The following CACNA1C variants were observed in gnomAD, a reference collection of about 807,000 sequenced individuals.
CACNA1C encodes the protein voltage-dependent L-type calcium channel subunit alpha-1C.
CACNA1C carries 30 observed loss-of-function variants against 229.0 expected under a neutral mutation model. That is an observed-to-expected ratio of 0.13 (90% CI 0.10 to 0.18). The LOEUF (loss-of-function observed/expected upper bound fraction) is 0.18, where lower values mean the gene tolerates loss of function less well. Among genes scored for constraint, CACNA1C ranks in the 10% least tolerant of loss-of-function variants. The probability of loss-of-function intolerance (pLI) is 1.00; values close to 1 mark genes in which losing one functional copy is unlikely to be tolerated. For missense variants in CACNA1C, 1,658 were observed against 2,845.0 expected (o/e 0.58, Z 9.49); for synonymous variants, 1,114 against 1,132.5 (o/e 0.98, Z 0.33).
At chr12:2,168,788 G>A (rs901730633) in intron 3 of CACNA1C, among the ~76,000 whole-genome samples, 2 of 152,176 alleles carry the variant, frequency 1.3e-5, no homozygotes, top group South Asian at 4.1e-4. Flanking sequence ...AATTGGGAAG[G>A]GTGAGAAGCT....
chr12:2,422,998 T>G (rs1305166714), intron 3 of CACNA1C, among the ~76,000 whole-genome samples: 1 of 152,152 alleles, frequency 6.6e-6, no homozygotes, highest in East Asian at 1.9e-4. Context: ...TTCTTTCAAT[T>G]CCATAATTCG....
intron 1 of CACNA1C, among the ~76,000 whole-genome samples, chr12:2,044,856 G>A (rs900994754): frequency 2.6e-5 from 4 of 152,180 alleles, no homozygotes; most frequent in East Asian, 3.8e-4. Flanking sequence ...CCCTAGTCTC[G>A]CATGACTTCT....
At chr12:2,221,094 G>A (rs190253544) in intron 3 of CACNA1C, among the ~76,000 whole-genome samples, 1 of 152,274 alleles carries the variant, frequency 6.6e-6, no homozygotes, top group African/African-American at 2.4e-5. Context: ...AGAGCCTTCC[G>A]GGGGATGGCA....
chr12:2,010,610 T>A (rs2044236412), intron 1 of CACNA1C, among the ~76,000 whole-genome samples: 1 of 152,144 alleles, frequency 6.6e-6, no homozygotes, highest in Non-Finnish European at 1.5e-5. Context: ...ATCTATTAAT[T>A]TACTGTCACT....
chr12:2,136,946 C>A (rs1596971808), intron 3 of CACNA1C, among the ~76,000 whole-genome samples: 1 of 151,324 alleles, frequency 6.6e-6, no homozygotes, highest in Non-Finnish European at 1.5e-5. Context: ...GGACTGAGTC[C>A]TTGGAAGCAG....
At chr12:2,269,093 TA>T (rs1332050318) in intron 3 of CACNA1C, among the ~76,000 whole-genome samples, 3 of 152,154 alleles carry the variant, frequency 2.0e-5, no homozygotes, top group African/African-American at 7.2e-5. Context: ...GGCACATGAT[TA>T]AATACTCATG....
At chr12:2,453,330 T>C (rs1244020235) in intron 4 of CACNA1C, among the ~76,000 whole-genome samples, 1 of 152,168 alleles carries the variant, frequency 6.6e-6, no homozygotes, top group Non-Finnish European at 1.5e-5. Flanking sequence ...ACCTGGGGCA[T>C]AAGTCACTTA....
At chr12:2,388,172 A>G (rs1220804402) in intron 3 of CACNA1C, among the ~76,000 whole-genome samples, 1 of 152,244 alleles carries the variant, frequency 6.6e-6, no homozygotes, top group Non-Finnish European at 1.5e-5. Context: ...AAGTATACAG[A>G]GTTTCTGTTG....
chr12:2,039,134 A>G (rs1389612841), intron 1 of CACNA1C, among the ~76,000 whole-genome samples: 1 of 152,202 alleles, frequency 6.6e-6, no homozygotes, highest in Non-Finnish European at 1.5e-5. Flanking sequence ...ATAGACAAAT[A>G]AGAGCTGAAA....
At chr12:2,028,769 G>A (rs2154491332) in intron 1 of CACNA1C, among the ~76,000 whole-genome samples, 1 of 144,126 alleles carries the variant, frequency 6.9e-6, no homozygotes, top group Middle Eastern at 3.4e-3. Flanking sequence ...CCTTCCTGTA[G>A]CTCTGTTTTC....
At chr12:2,399,345 G>A (rs2098642920) in intron 3 of CACNA1C, among the ~76,000 whole-genome samples, 1 of 152,188 alleles carries the variant, frequency 6.6e-6, no homozygotes, top group Admixed American at 6.5e-5. Flanking sequence ...TTGGTGCCTG[G>A]GTTCTTGTCC....
At chr12:2,629,306 C>CT (rs60802000) in intron 29 of CACNA1C, among the ~76,000 whole-genome samples, 139,450 of 152,010 alleles carry the variant, frequency 0.92, 64,016 homozygotes, top group East Asian at 0.99. Flanking sequence ...GTCATCCCAT[C>CT]CCTTTTCCCA....
intron 1 of CACNA1C, chr12:2,004,381 G>A (rs1469982360): frequency 3.1e-6 from 5 of 1,612,682 alleles, no homozygotes; most frequent in African/African-American, 1.3e-5. Flanking sequence ...GGGCCGCTAG[G>A]CTGATGTCGC....
At chr12:2,384,992 C>G (rs1395100766) in intron 3 of CACNA1C, among the ~76,000 whole-genome samples, 1 of 152,122 alleles carries the variant, frequency 6.6e-6, no homozygotes, top group African/African-American at 2.4e-5. Flanking sequence ...GCCAACTGAC[C>G]GTGAAAGGAG....
Position 1,971,634 on chromosome 12 carries a change from C to T in CACNA1C, c.139+433C>T. On this transcript the variant is annotated intron_variant, in intron 1 of 46. Coordinates refer to the CACNA1C transcript ENST00000682462. The surrounding 1 kb of genome is among the most constrained non-coding windows in gnomAD (Gnocchi z 4.2). ...ATTTCTTCAGTGGAAAAACCAAAAG[C>T]TGGTCAAATTTTAAGAGGCTAGTTA... Among the ~76,000 whole-genome samples the T allele has an allele frequency of 6.6e-6, 1 of 152,068 alleles. No homozygotes were observed. Among genetic ancestry groups the T allele is most frequent in the East Asian group, 1.9e-4 (1 of 5,194 alleles).
chr12:2,490,111 CTT>C, intron 6 of CACNA1C, among the ~76,000 whole-genome samples: 1 of 152,332 alleles, frequency 6.6e-6, no homozygotes, highest in Admixed American at 6.5e-5. Context: ...GTTCTCAAAT[CTT>C]TTTCATTATT....
At position 2,679,763 on chromosome 12, in the gene CACNA1C, T is replaced by C. The variant is rs756492434; in HGVS notation, c.5411T>C (p.Val1804Ala). ...HGPPLSPAIR[V>A]QEVAWKLSSN... The stretch of plus-strand genomic sequence containing the variant: ...CCCCCCTTGTCCCCTGCCATCCGGG[T>C]GCAGGAGGTGGCGTGGAAGCTCAGC... The change falls in exon 42 of 47, where the codon GTG becomes GCG. Residue 1804 changes from valine to alanine, a missense_variant. Coordinates refer to ENST00000399655, the MANE Select transcript of CACNA1C (RefSeq NM_000719.7). This position sits in a 1 kb window ranked among gnomAD's most constrained non-coding sequence, Gnocchi z 5.5. 22 of 1,585,946 alleles carry C rather than the reference T, an allele frequency of 1.4e-5. No individual in the cohort carries two copies. The African/African-American group carries it at 2.4e-4, about 18-fold the overall frequency.
intron 1 of CACNA1C, among the ~76,000 whole-genome samples, chr12:2,002,738 A>C (rs2042461654): frequency 6.6e-6 from 1 of 152,188 alleles, no homozygotes; most frequent in African/African-American, 2.4e-5. Context: ...TCTACTACGG[A>C]ATTACTTTTA....
intron 3 of CACNA1C, among the ~76,000 whole-genome samples, chr12:2,211,633 T>TG (rs1203053264): frequency 6.6e-6 from 1 of 152,010 alleles, no homozygotes; most frequent in Admixed American, 6.6e-5. Flanking sequence ...GGTTAGGGCT[T>TG]GGGGGGACAT....
Sources: allele counts gnomAD v4.1 joint callset (sites outside exome capture counted in the v4.1 genomes callset), GRCh38; gene constraint gnomAD v4.1.1; non-coding constraint Gnocchi (gnomAD v3.1); transcripts MANE v1.5; gene names NCBI Gene and HGNC (gene_info 2026-07-23, HGNC 2026-07-21).